Variants in PRP4K observed in about 807,000 individuals in gnomAD.
PRP4K encodes serine/threonine-protein kinase PRP4 homolog.
At chr6:4,041,042 CTCTGAATTTAAAAGTT>C in the PRP4K span, 1 of 1,138,902 alleles carries the variant, frequency 8.8e-7, no homozygotes, top group Non-Finnish European at 1.2e-6. Flanking sequence ...ATTAATTTGG[CTCTGAATTTAAAAGTT>C]AGTCTTTTGT....
the PRP4K span, among the ~76,000 whole-genome samples, chr6:4,036,664 A>G: frequency 2.6e-5 from 4 of 151,948 alleles, 1 homozygote; most frequent in Admixed American, 2.0e-4. Context: ...AGTGTAAACC[A>G]TTGTGCCTGG....
the PRP4K span, among the ~76,000 whole-genome samples, chr6:4,037,962 T>C: frequency 6.6e-6 from 1 of 152,204 alleles, no homozygotes; most frequent in South Asian, 2.1e-4. Context: ...TACTGTAGAC[T>C]TAGGCAAAGG....
the PRP4K span, among the ~76,000 whole-genome samples, chr6:4,044,451 T>C: frequency 6.6e-6 from 1 of 152,226 alleles, no homozygotes; most frequent in Non-Finnish European, 1.5e-5. Context: ...ATTTTCTTTA[T>C]TTACCAATTT....
chr6:4,031,488 G>C, the PRP4K span: 1 of 1,216,256 alleles, frequency 8.2e-7, no homozygotes, highest in Non-Finnish European at 1.1e-6. Context: ...TCTCATTACT[G>C]TTATTTTCTT....
chr6:4,024,467 TA>T, the PRP4K span, among the ~76,000 whole-genome samples: 1 of 152,232 alleles, frequency 6.6e-6, no homozygotes, highest in Non-Finnish European at 1.5e-5. Flanking sequence ...AAAACGGCTT[TA>T]TTCATACACA....
At chr6:4,044,170 A>G in the PRP4K span, 1 of 679,976 alleles carries the variant, frequency 1.5e-6, no homozygotes, top group Non-Finnish European at 2.5e-6. Flanking sequence ...ATAATATTAA[A>G]TATGTCCTTA....
chr6:4,038,512 C>G, the PRP4K span, among the ~76,000 whole-genome samples: 3 of 151,516 alleles, frequency 2.0e-5, no homozygotes, highest in African/African-American at 7.3e-5. Context: ...AGGCTGGTCT[C>G]GAACTCCTGA....
chr6:4,026,303 CTTTTT>C, the PRP4K span, among the ~76,000 whole-genome samples: 1 of 118,890 alleles, frequency 8.4e-6, no homozygotes. Flanking sequence ...TGTGCCCAGC[CTTTTT>C]TTTTTTTTTT....
the PRP4K span, among the ~76,000 whole-genome samples, chr6:4,022,533 A>T: frequency 6.6e-6 from 1 of 150,978 alleles, no homozygotes; most frequent in East Asian, 2.0e-4. Flanking sequence ...AGAAAGAGGT[A>T]TAGTCTCCCA....
At chr6:4,021,787 T>A in the PRP4K span, among the ~76,000 whole-genome samples, 1 of 152,296 alleles carries the variant, frequency 6.6e-6, no homozygotes, top group Non-Finnish European at 1.5e-5. Context: ...TATGCCTCTT[T>A]TGGGGACCCA....
chr6:4,053,718 T>C, the PRP4K span, among the ~76,000 whole-genome samples: 1 of 152,200 alleles, frequency 6.6e-6, no homozygotes, highest in African/African-American at 2.4e-5. Flanking sequence ...ACTTGGAGAA[T>C]TCCAGCTTAT....
chr6:4,043,654 T>C, the PRP4K span, among the ~76,000 whole-genome samples: 1 of 152,188 alleles, frequency 6.6e-6, no homozygotes, highest in Admixed American at 6.5e-5. Context: ...AGAAATTACA[T>C]AAGGGATTGC....
the PRP4K span, among the ~76,000 whole-genome samples, chr6:4,025,643 A>G: frequency 6.6e-6 from 1 of 152,248 alleles, no homozygotes; most frequent in African/African-American, 2.4e-5. Context: ...TTCTACAGTG[A>G]TACTGGTCAT....
the PRP4K span, among the ~76,000 whole-genome samples, chr6:4,056,093 C>A: frequency 6.6e-6 from 1 of 150,562 alleles, no homozygotes; most frequent in Non-Finnish European, 1.5e-5. Context: ...TTGTGATATC[C>A]ATTTCCTCAC....
At chr6:4,024,544 G>A in the PRP4K span, among the ~76,000 whole-genome samples, 2 of 51,502 alleles carry the variant, frequency 3.9e-5, no homozygotes, top group Non-Finnish European at 1.5e-4. Flanking sequence ...AATTCACTAA[G>A]ACTATTGTTT....
the PRP4K span, among the ~76,000 whole-genome samples, chr6:4,033,128 C>CT: frequency 6.6e-6 from 1 of 152,108 alleles, no homozygotes; most frequent in South Asian, 2.1e-4. Context: ...GGCTGAAACT[C>CT]TTAACTTTGA....
At chr6:4,059,544 A>G in the PRP4K span, among the ~76,000 whole-genome samples, 7 of 152,278 alleles carry the variant, frequency 4.6e-5, 1 homozygote, top group African/African-American at 2.4e-5. Context: ...TAACTTATTC[A>G]CATGTCTGTC....
chr6:4,021,417 A>C, the PRP4K span: 1 of 1,581,582 alleles, frequency 6.3e-7, no homozygotes, highest in Non-Finnish European at 8.6e-7. Context: ...AGGAGTCAGG[A>C]AGTTCAAGAT....
chr6:4,026,469 G>C, the PRP4K span, among the ~76,000 whole-genome samples: 6 of 151,194 alleles, frequency 4.0e-5, no homozygotes, highest in Non-Finnish European at 7.4e-5. Context: ...TGCCCGGCTA[G>C]TTTTTTGTAT....
Sources: allele counts gnomAD v4.1 joint callset (sites outside exome capture counted in the v4.1 genomes callset), GRCh38; gene constraint gnomAD v4.1.1; transcripts MANE v1.5; gene names NCBI Gene and HGNC (gene_info 2026-07-23, HGNC 2026-07-21).